RNASE9: variants seen among roughly 807,000 people sequenced by gnomAD.
RNASE9 encodes inactive ribonuclease-like protein 9.
For synonymous variants in RNASE9, 95 were observed against 87.6 expected, an observed-to-expected ratio of 1.08 and a Z score of -0.47; for missense variants, 263 against 247.1, an observed-to-expected ratio of 1.06 and a Z score of -0.43.
At chr14:20,557,126 T>C in exon 3 of RNASE9, 2 of 1,535,586 alleles carry the variant, frequency 1.3e-6, no homozygotes, top group Non-Finnish European at 1.8e-6. Context: ...ATAATGTGCT[T>C]GCTTCCATTT....
chr14:20,557,040 T>C (rs973163965), exon 3 of RNASE9: 2 of 1,611,900 alleles, frequency 1.2e-6, no homozygotes, highest in African/African-American at 1.3e-5. Flanking sequence ...GCAGGGGCAG[T>C]GGGTGTGTGG....
In RNASE9 at chr14:20,557,049, G is replaced by A. The variant is rs772541392; in HGVS notation, c.21C>T (p.Thr7=). ...ATAGAAGCAGGGGCAGTGGGTGTGT[G>A]GTGATGAGAGTTCTCATCATTTTTC... The change falls in exon 3 of 3, where the codon ACC becomes ACT. Residue 7 remains threonine (T), a synonymous_variant. Transcript: ENST00000555230. 6.8e-6 allele frequency: 11 copies of A among 1,608,772 alleles called. No individual in the cohort carries two copies. In the South Asian group the frequency reaches 1.1e-4, roughly 16 times the overall value.
exon 3 of RNASE9, chr14:20,556,908 T>C: frequency 6.2e-7 from 1 of 1,614,124 alleles, no homozygotes; most frequent in South Asian, 1.1e-5. Context: ...TGGCGGGCCC[T>C]GTACTAAAAA....
rs779466707 is a variant in RNASE9, at chr14:20,556,604, C to A, written c.466G>T (p.Glu156Ter). The change falls in exon 3 of 3, where the codon GAA becomes TAA. Residue 156 changes from glutamate to a stop codon, truncating the protein, a stop_gained. Coordinates refer to ENST00000555230, the Ensembl canonical transcript of RNASE9. LOFTEE classifies it low-confidence loss of function (END_TRUNC). ...ACGTAGCCCTTCCTATAAAGTGATT[C>A]GTATTTACACGCTGGTATTTCAAAT... 5 of 1,613,608 alleles carry A rather than the reference C, an allele frequency of 3.1e-6. No individual in the cohort carries two copies. Among genetic ancestry groups the A allele is most frequent in the Non-Finnish European group, 4.2e-6 (5 of 1,179,788 alleles).
intron 1 of RNASE9, chr14:20,560,267 A>G (rs1883901009): frequency 6.6e-6 from 1 of 152,156 alleles, no homozygotes; most frequent in Non-Finnish European, 1.5e-5. Context: ...TATAATAATT[A>G]TATAGCCTCA....
exon 3 of RNASE9, chr14:20,556,141 G>A (rs1208434044): frequency 7.6e-6 from 2 of 262,886 alleles, no homozygotes; most frequent in East Asian, 1.4e-4. Context: ...GAATCACATG[G>A]ATGTGTCTTT....
chr14:20,556,417 A>G, exon 3 of RNASE9: 1 of 1,457,856 alleles, frequency 6.9e-7, no homozygotes. Flanking sequence ...GGAGAGAAAT[A>G]TTCCTCCCAC....
At chr14:20,556,706 G>A (rs1594458311) in exon 3 of RNASE9, 1 of 1,613,770 alleles carries the variant, frequency 6.2e-7, no homozygotes, top group Non-Finnish European at 8.5e-7. Context: ...TTCTTACATG[G>A]CACAAATCTG....
chr14:20,557,012 G>A, exon 3 of RNASE9: 1 of 1,613,844 alleles, frequency 6.2e-7, no homozygotes, highest in Non-Finnish European at 8.5e-7. Flanking sequence ...AGCTGCAGCA[G>A]CTGCTGCGGC....
chr14:20,556,376 A>T, exon 3 of RNASE9: 1 of 1,117,152 alleles, frequency 9.0e-7, no homozygotes, highest in Non-Finnish European at 1.3e-6. Flanking sequence ...CAAAATTACC[A>T]TTCTCAACTT....
intron 2 of RNASE9, among the ~76,000 whole-genome samples, chr14:20,559,122 TG>T (rs1367103712): frequency 8.7e-5 from 13 of 149,922 alleles, no homozygotes; most frequent in Admixed American, 7.3e-4. Context: ...ATCATTTTAC[TG>T]TTTTTTTTTT....
chr14:20,561,033 T>C (rs1011605928), upstream of RNASE9: 1 of 152,218 alleles, frequency 6.6e-6, no homozygotes, highest in African/African-American at 2.4e-5. Context: ...GGCCTCTCCA[T>C]GTAATGACAG....
intron 1 of RNASE9, among the ~76,000 whole-genome samples, chr14:20,559,876 C>A (rs1883883831): frequency 6.6e-6 from 1 of 152,112 alleles, no homozygotes; most frequent in Non-Finnish European, 1.5e-5. Flanking sequence ...TGCACAAATA[C>A]CTGTTCAAGT....
chr14:20,557,987 G>C (rs563318945), exon 3 of RNASE9: 34 of 160,438 alleles, frequency 2.1e-4, no homozygotes, highest in African/African-American at 8.2e-4. Context: ...GCTATTCTAT[G>C]GCCTCTATCA....
chr14:20,557,301 G>A, exon 3 of RNASE9: 3 of 440,682 alleles, frequency 6.8e-6, no homozygotes, highest in South Asian at 1.4e-4. Context: ...GAGAAGAAAA[G>A]GTGAAAGGAA....
chr14:20,560,421 T>G (rs1883907844), intron 1 of RNASE9: 1 of 151,906 alleles, frequency 6.6e-6, no homozygotes, highest in South Asian at 2.1e-4. Context: ...AGAAATACAA[T>G]AAAAAGAATA....
At chr14:20,556,985 C>A in exon 3 of RNASE9, 1 of 1,614,094 alleles carries the variant, frequency 6.2e-7, no homozygotes. Context: ...TCTGTATCCA[C>A]CTCTTGAAAC....
At chr14:20,556,445 C>G in exon 3 of RNASE9, 2 of 1,581,160 alleles carry the variant, frequency 1.3e-6, no homozygotes, top group South Asian at 2.2e-5. Flanking sequence ...TCTCAGAGAA[C>G]GCTCTGCTAG....
chr14:20,556,169 A>C (rs976860017), exon 3 of RNASE9: 26 of 343,002 alleles, frequency 7.6e-5, no homozygotes, highest in African/African-American at 4.5e-4. Flanking sequence ...ACTTCAGGCA[A>C]CCATTTCCTT....
Sources: gnomAD v4.1 joint callset for allele counts (sites outside exome capture counted in the v4.1 genomes callset) on GRCh38, gnomAD v4.1.1 for gene constraint, MANE v1.5 for transcripts, NCBI Gene and HGNC (gene_info 2026-07-23, HGNC 2026-07-21) for gene names.